Variants in GPR139 observed in about 807,000 individuals in gnomAD.
GPR139 encodes the protein G protein-coupled receptor 139.
In GPR139, 12 loss-of-function variants were observed where a neutral mutation model predicts 25.8. That is an observed-to-expected ratio of 0.47 (90% CI 0.30 to 0.75). GPR139 has a LOEUF of 0.75. Among genes scored for constraint, GPR139 ranks in the 30% least tolerant of loss-of-function variants. The pLI, the probability that GPR139 is intolerant of heterozygous loss-of-function variation, is 0.07. For missense variants in GPR139, 380 were observed against 450.2 expected, an observed-to-expected ratio of 0.84 and a Z score of 1.41; for synonymous variants, 184 against 179.9, an observed-to-expected ratio of 1.02 and a Z score of -0.18.
At position 20,029,233 on chromosome 16, in the gene GPR139, GAAGT is replaced by G. The variant is rs146285465; in HGVS notation, c.*2498_*2501del. Among the ~76,000 whole-genome samples the G allele has an allele frequency of 0.012, 1,801 of 152,094 alleles. 38 individuals carry two copies. The highest frequency in any genetic ancestry group is 0.04 in the African/African-American group (1,673 of 41,492). ...CACGTGGTAGAGCCTCTATCATCGAGAAGTAATAAATTAAAGTGTCTGAGGAAAA... is the reference window on the plus strand; with the variant it reads ...CACGTGGTAGAGCCTCTATCATCGAGAATAAATTAAAGTGTCTGAGGAAAA... On this transcript the variant is annotated 3_prime_UTR_variant, in exon 2 of 2. Transcript: ENST00000570682.
At chr16:20,043,935 G>A (rs1225042968) in intron 1 of GPR139, among the ~76,000 whole-genome samples, 1 of 150,790 alleles carries the variant, frequency 6.6e-6, no homozygotes, top group African/African-American at 2.5e-5. Context: ...AGATCCAGAT[G>A]AGCCTTCTAG....
intron 1 of GPR139, among the ~76,000 whole-genome samples, chr16:20,035,162 T>A (rs1022348261): frequency 1.3e-5 from 2 of 151,966 alleles, no homozygotes; most frequent in African/African-American, 2.4e-5. Context: ...AGTTTTTTTT[T>A]AAAGTCTATA....
At chr16:20,054,673 T>TTTCCTTCCTTCCTTCTTCCTTCCTTCC (rs2057383018) in intron 1 of GPR139, among the ~76,000 whole-genome samples, 1 of 150,362 alleles carries the variant, frequency 6.7e-6, no homozygotes, top group Admixed American at 6.6e-5. Flanking sequence ...ATTGTACAGA[T>TTTCCTTCCTTCCTTCTTCCTTCCTTCC]TTCCTTCCTT....
rs1015377222 is a variant in GPR139 at position 20,032,456 on chromosome 16, G to A, written c.341C>T (p.Thr114Ile). 2 of 1,614,170 alleles carry A rather than the reference G, an allele frequency of 1.2e-6. No individual in the cohort carries two copies. Among genetic ancestry groups the A allele is most frequent in the Admixed American group, 3.3e-5 (2 of 60,030 alleles). The change falls in exon 2 of 2, where the codon ACC (threonine) becomes ATC (isoleucine). Residue 114 changes from threonine to isoleucine, a missense_variant. Transcript: ENST00000570682. Reference sequence around the variant, plus strand: ...TAACGGTACAGTAATCCATATGGAGGTGTGGATGGATGAGAATTCCAGCAC... The same window carrying A: ...TAACGGTACAGTAATCCATATGGAGATGTGGATGGATGAGAATTCCAGCAC... ...IEVLEFSSIH[T>I]SIWITVPLTI...
Position 20,073,354 on chromosome 16 carries a change from T to C in GPR139, c.127+136A>G. 1 of 1,292,166 alleles carries C rather than the reference T, an allele frequency of 7.7e-7. No individual in the cohort carries two copies. Among genetic ancestry groups the C allele is most frequent in the African/African-American group, 1.5e-5 (1 of 67,472 alleles). The allele number at this position is 1,292,166 out of a possible 1,614,324, so 80.0% of individuals were successfully genotyped here. ...CTTCCTTTCCCCCCGTGTGGAAATATCCATAGTTGCCCTTAAAGCTTAAAC... is the reference window on the plus strand; with the variant it reads ...CTTCCTTTCCCCCCGTGTGGAAATACCCATAGTTGCCCTTAAAGCTTAAAC... On this transcript the variant is annotated intron_variant, in intron 1 of 1. Coordinates refer to ENST00000570682, the MANE Select transcript of GPR139 (RefSeq NM_001002911.4). This position sits in a 1 kb window ranked among gnomAD's most constrained non-coding sequence, Gnocchi z 4.7.
At chr16:20,043,189 G>A (rs1242203379) in intron 1 of GPR139, among the ~76,000 whole-genome samples, 1 of 152,202 alleles carries the variant, frequency 6.6e-6, no homozygotes, top group Admixed American at 6.5e-5. Flanking sequence ...CTGCAGGGCT[G>A]GAGTCAGCCT....
In GPR139 at chr16:20,029,458, C is replaced by T. The variant is rs1161700876; in HGVS notation, c.*2277G>A. ...TAGCTCAAACTAGCATTTTTCAGAG[C>T]TACATGTTTAAAAAATAAATAAATA... On this transcript the variant is annotated 3_prime_UTR_variant, in exon 2 of 2. Coordinates refer to ENST00000570682, the MANE Select transcript of GPR139 (RefSeq NM_001002911.4). Among the ~76,000 whole-genome samples, 3 of 142,266 alleles carry T rather than the reference C, an allele frequency of 2.1e-5. No homozygotes were observed. The highest frequency in any genetic ancestry group is 2.6e-5 in the African/African-American group (1 of 38,060). 93.3% of individuals were successfully genotyped at this position (142,266 alleles called of 152,430 possible).
chr16:20,041,118 A>G (rs201331315), intron 1 of GPR139, among the ~76,000 whole-genome samples: 4,787 of 11,912 alleles, frequency 0.4, 586 homozygotes, highest in African/African-American at 0.56. Flanking sequence ...CCAGAAAGGA[A>G]AGGAAAGGAA....
At chr16:20,033,957 A>T (rs56058560) in intron 1 of GPR139, among the ~76,000 whole-genome samples, 1,529 of 151,014 alleles carry the variant, frequency 0.01, 14 homozygotes, top group Non-Finnish European at 0.014. Flanking sequence ...TGTCTTGAAA[A>T]TACATCTATA....
intron 1 of GPR139, among the ~76,000 whole-genome samples, chr16:20,048,673 T>C (rs764745899): frequency 6.6e-6 from 1 of 152,134 alleles, no homozygotes; most frequent in Non-Finnish European, 1.5e-5. Flanking sequence ...CCAACTGTGG[T>C]CAGGTCTTCC....
chr16:20,067,993 C>T (rs983515032), intron 1 of GPR139, among the ~76,000 whole-genome samples: 2 of 151,154 alleles, frequency 1.3e-5, no homozygotes, highest in Non-Finnish European at 2.9e-5. Flanking sequence ...ATAATGTGCT[C>T]ATTTTAGGGA....
Position 20,073,582 on chromosome 16 carries a change from C to T in GPR139, c.35G>A (p.Ser12Asn). 2 of 1,611,470 alleles carry T rather than the reference C, an allele frequency of 1.2e-6. No individual in the cohort carries two copies. Among genetic ancestry groups the T allele is most frequent in the Non-Finnish European group, 1.7e-6 (2 of 1,179,112 alleles). The change falls in exon 1 of 2, where the codon AGC becomes AAC. Residue 12 changes from serine (S) to asparagine (N), a missense_variant. By Grantham distance (46) the Ser-to-Asn change is conservative. Coordinates refer to ENST00000570682, the MANE Select transcript of GPR139 (RefSeq NM_001002911.4). The surrounding 1 kb of genome is among the most constrained non-coding windows in gnomAD (Gnocchi z 4.7). ...EHTHAHLAAN[S>N]SLSWWSPGSA... The stretch of plus-strand genomic sequence containing the variant: ...GCCGGGGGACCACCAAGACAGCGAG[C>T]TGTTGGCTGCGAGGTGGGCGTGCGT...
intron 1 of GPR139, among the ~76,000 whole-genome samples, chr16:20,037,095 T>G (rs2057312564): frequency 6.6e-6 from 1 of 152,116 alleles, no homozygotes; most frequent in African/African-American, 2.4e-5. Context: ...CACCAAGGGA[T>G]GAGACAAGTT....
At chr16:20,046,203 T>C (rs1302859359) in intron 1 of GPR139, among the ~76,000 whole-genome samples, 1 of 152,230 alleles carries the variant, frequency 6.6e-6, no homozygotes, top group Non-Finnish European at 1.5e-5. Context: ...CATTCTCCTA[T>C]GAAGACAAGG....
rs759288748 is a variant in GPR139, at chr16:20,073,439, G to A, written c.127+51C>T. The A allele has an allele frequency of 2.5e-6, 4 of 1,590,800 alleles. No homozygotes were observed. The highest frequency in any genetic ancestry group is 3.5e-5 in the Admixed American group (2 of 57,282). On this transcript the variant is annotated intron_variant, in intron 1 of 1. Transcript: ENST00000570682. This position sits in a 1 kb window ranked among gnomAD's most constrained non-coding sequence, Gnocchi z 4.7. Reference sequence around the variant, plus strand: ...AGGACGGGGGATTCTGGGTAGGGTTGCCCGGCACTTGGGGTTCCTGGCTTC... The same window carrying A: ...AGGACGGGGGATTCTGGGTAGGGTTACCCGGCACTTGGGGTTCCTGGCTTC...
rs558847730 is a variant in GPR139 at position 20,041,771 on chromosome 16, TC to T, written c.128-9103del. ...AGTGGCCATCCTTGTTTTCTGTTGT[TC>T]CTCTTGCCCCAAGGCAGAAACCTGG... On this transcript the variant is annotated intron_variant, in intron 1 of 1. Transcript: ENST00000570682. Among the ~76,000 whole-genome samples, 355 of 152,290 alleles carry T rather than the reference TC, an allele frequency of 2.3e-3. 1 individual carries two copies. Among genetic ancestry groups the T allele is most frequent in the Admixed American group, 7.4e-3 (113 of 15,304 alleles).
At chr16:20,043,397 C>T (rs1849581071) in intron 1 of GPR139, among the ~76,000 whole-genome samples, 1 of 152,206 alleles carries the variant, frequency 6.6e-6, no homozygotes, top group Non-Finnish European at 1.5e-5. Context: ...TGTTGAGCAG[C>T]ACCTACTATG....
intron 1 of GPR139, among the ~76,000 whole-genome samples, chr16:20,050,257 G>C (rs1341692699): frequency 6.6e-6 from 1 of 152,174 alleles, no homozygotes; most frequent in East Asian, 1.9e-4. Flanking sequence ...TCGAGTGACT[G>C]GGAAGCAAAG....
At chr16:20,035,426 G>T (rs1238133859) in intron 1 of GPR139, among the ~76,000 whole-genome samples, 2 of 152,168 alleles carry the variant, frequency 1.3e-5, no homozygotes, top group South Asian at 2.1e-4. Flanking sequence ...CCCACTAAAG[G>T]TCTTTATATT....
Sources: allele counts gnomAD v4.1 joint callset (sites outside exome capture counted in the v4.1 genomes callset), GRCh38; gene constraint gnomAD v4.1.1; non-coding constraint Gnocchi (gnomAD v3.1); transcripts MANE v1.5; gene names NCBI Gene and HGNC (gene_info 2026-07-23, HGNC 2026-07-21).